Variants in UFSP2 observed in about 807,000 individuals in gnomAD.
The protein encoded by UFSP2 is UFM1 specific peptidase 2, also known as ufm1-specific protease 2.
In UFSP2, 43 loss-of-function variants were observed where a neutral mutation model predicts 60.2. The ratio of observed to expected loss-of-function variants is 0.71; its 90% confidence interval spans 0.56 to 0.92. UFSP2 has a LOEUF of 0.92. UFSP2 is among the 40% of genes least tolerant of loss of function. The probability of loss-of-function intolerance (pLI) is 0.00; values close to 1 mark genes in which losing one functional copy is unlikely to be tolerated. For synonymous variants in UFSP2, 183 were observed against 195.1 expected, an observed-to-expected ratio of 0.94 and a Z score of 0.52; for missense variants, 520 against 575.0, an observed-to-expected ratio of 0.90 and a Z score of 0.98.
At chr4:185,422,415 A>G in intron 2 of UFSP2, 70 bp downstream of exon 2, 1 of 1,160,838 alleles carries the variant, frequency 8.6e-7, no homozygotes. Flanking sequence ...TTTCATTTGC[A>G]AAGTGGAAAT....
rs2095511607 is a variant in UFSP2, at chr4:185,400,180, G to A, written c.*212C>T. On this transcript the variant is annotated 3_prime_UTR_variant, in exon 12 of 12. Coordinates refer to ENST00000264689, the MANE Select transcript of UFSP2 (RefSeq NM_018359.5). ...CATTTAAGAACACATGTATTTACAT[G>A]CCTATAATATGCTGGTTGTGTATGC... is the stretch of plus-strand genomic sequence containing the variant. The A allele has an allele frequency of 4.1e-6, 3 of 731,958 alleles. No homozygotes were observed. Among genetic ancestry groups the A allele is most frequent in the Admixed American group, 3.0e-5 (1 of 33,042 alleles). 45.3% of individuals were successfully genotyped at this position (731,958 alleles called of 1,614,324 possible). A position where few individuals can be genotyped will look rare whatever the true frequency, so the allele number is the denominator to read the frequency against.
chr4:185,418,990 T>G (rs2095544340), intron 2 of UFSP2, among the ~76,000 whole-genome samples: 1 of 152,178 alleles, frequency 6.6e-6, no homozygotes, highest in African/African-American at 2.4e-5. Flanking sequence ...TTTAGGGCTT[T>G]TAGTATATTC....
intron 11 of UFSP2, among the ~76,000 whole-genome samples, chr4:185,402,783 CTT>C: frequency 6.6e-6 from 1 of 152,270 alleles, no homozygotes; most frequent in East Asian, 1.9e-4. Flanking sequence ...GCTTAAAACT[CTT>C]TAACATATTA....
chr4:185,425,839 G>A lies in UFSP2; in HGVS notation c.3+27C>T, dbSNP rs764336162. On this transcript the variant is annotated intron_variant, in intron 1 of 11. Transcript: ENST00000264689. ...TGCCAAAGTCCGGGGAAAAACACAG[G>A]GGTCGGTGACGAGCAGAGATACTCA... 9 of 1,601,244 alleles carry A rather than the reference G, an allele frequency of 5.6e-6. No homozygotes were observed. The Admixed American group carries it at 1.0e-4, about 18-fold the overall frequency.
intron 1 of UFSP2, among the ~76,000 whole-genome samples, chr4:185,424,787 A>G (rs2153297715): frequency 6.6e-6 from 1 of 152,370 alleles, no homozygotes; most frequent in South Asian, 2.1e-4. Flanking sequence ...ATTTTACACA[A>G]TTTAACTTAT....
chr4:185,421,788 G>A (rs1047075120), intron 2 of UFSP2, among the ~76,000 whole-genome samples: 2 of 152,138 alleles, frequency 1.3e-5, no homozygotes, highest in Admixed American at 6.5e-5. Context: ...ACCACTACTC[G>A]TACTTTTCAT....
chr4:185,418,485 T>G lies in UFSP2; in HGVS notation c.289A>C (p.Lys97Gln), dbSNP rs1273617157. 6.2e-7 allele frequency: 1 copy of G among 1,612,150 alleles called. No individual in the cohort carries two copies. The highest frequency in any genetic ancestry group is 8.5e-7 in the Non-Finnish European group (1 of 1,178,844). ...TCCTTCTTTCTCATGAATTTTCTTTTTATATCTTCTTCTGGCTCAAATCTA... is the reference window on the plus strand; with the variant it reads ...TCCTTCTTTCTCATGAATTTTCTTTGTATATCTTCTTCTGGCTCAAATCTA... ...FIQFEPEEDIKRKFMRKKDKK... is the reference protein window; with the variant it reads ...FIQFEPEEDIQRKFMRKKDKK... Residue 97 changes from lysine (K) to glutamine (Q), a missense_variant, in exon 4 of 12, where the codon AAA (lysine) becomes CAA (glutamine). By Grantham distance (53) the Lys-to-Gln change is moderately conservative. Transcript: ENST00000264689.
chr4:185,410,202 C>T (rs995303991), intron 7 of UFSP2, among the ~76,000 whole-genome samples: 4 of 151,684 alleles, frequency 2.6e-5, no homozygotes, highest in Admixed American at 1.3e-4. Context: ...TGGACATTAA[C>T]AAACACTTCT....
chr4:185,401,431 C>T (rs560835869), intron 11 of UFSP2, among the ~76,000 whole-genome samples: 23 of 152,278 alleles, frequency 1.5e-4, no homozygotes, highest in African/African-American at 5.5e-4. Context: ...GATCCTTTTA[C>T]ACATGAAGGC....
chr4:185,422,383 G>A (rs2095551002), intron 2 of UFSP2, 102 bp downstream of exon 2: 1 of 859,832 alleles, frequency 1.2e-6, no homozygotes, highest in Non-Finnish European at 1.9e-6. Context: ...TATAATCTTA[G>A]TTCATCCTAT....
chr4:185,418,431 G>C lies in UFSP2; in HGVS notation c.333+10C>G. ...TTTTTATCAGTACAGAAGACAGATA[G>C]TTTGCTTACCATGTCTGATAACTTT... On this transcript the variant is annotated intron_variant, in intron 4 of 11. Coordinates refer to ENST00000264689, the MANE Select transcript of UFSP2 (RefSeq NM_018359.5). 2.5e-6 allele frequency: 4 copies of C among 1,592,362 alleles called. No homozygotes were observed. Among genetic ancestry groups the C allele is most frequent in the Non-Finnish European group, 3.4e-6 (4 of 1,162,268 alleles).
chr4:185,403,168 C>G (rs2095515243), intron 11 of UFSP2, among the ~76,000 whole-genome samples: 1 of 152,168 alleles, frequency 6.6e-6, no homozygotes, highest in Non-Finnish European at 1.5e-5. Context: ...ATATTCTGCT[C>G]ATCTATTTTA....
In UFSP2 at chr4:185,399,778, G is replaced by A. The variant is rs577782009; in HGVS notation, c.*614C>T. ...CAGTGGGAAAAGGAAGTGCTGGTAA[G>A]TAACTCAGAGCTGCTGCTTTTTTCC... On this transcript the variant is annotated 3_prime_UTR_variant, in exon 12 of 12. Coordinates refer to ENST00000264689, the MANE Select transcript of UFSP2 (RefSeq NM_018359.5). 9.9e-6 allele frequency: 16 copies of A among 1,613,916 alleles called. 1 individual carries two copies. The South Asian group carries it at 1.8e-4, about 18-fold the overall frequency.
chr4:185,414,024 G>T (rs1180085780), intron 6 of UFSP2, 152 bp from the exon 7 acceptor site: 1 of 634,502 alleles, frequency 1.6e-6, no homozygotes, highest in Non-Finnish European at 2.4e-6. Context: ...ATCAAAGATG[G>T]TGAAAACTGA....
intron 1 of UFSP2, 23 bp from the exon 2 acceptor site, chr4:185,422,586 C>A (rs561127246): frequency 6.6e-7 from 1 of 1,520,064 alleles, no homozygotes; most frequent in South Asian, 1.2e-5. Context: ...AAGATAAAGA[C>A]AAACTCCCTT....
In UFSP2 at chr4:185,400,032, T is replaced by C; in HGVS notation, c.*360A>G. The C allele has an allele frequency of 1.3e-6, 2 of 1,585,178 alleles. No individual in the cohort carries two copies. Among genetic ancestry groups the C allele is most frequent in the Non-Finnish European group, 1.7e-6 (2 of 1,161,556 alleles). On this transcript the variant is annotated 3_prime_UTR_variant, in exon 12 of 12. Transcript: ENST00000264689. ...TTAAAAACAGATGTCACGTGGGTTA[T>C]GAAGAAGTCTGAAGAACGCCTTCAT...
intron 4 of UFSP2, among the ~76,000 whole-genome samples, chr4:185,417,342 T>C (rs562109794): frequency 1.1e-4 from 16 of 152,350 alleles, no homozygotes; most frequent in Admixed American, 5.2e-4. Flanking sequence ...AATTATTTTA[T>C]GCATTCTACA....
At chr4:185,405,237 ATCC>A (rs1040377663) in intron 10 of UFSP2, among the ~76,000 whole-genome samples, 17 of 151,068 alleles carry the variant, frequency 1.1e-4, no homozygotes, top group Non-Finnish European at 1.6e-4. Flanking sequence ...GATGCAAGCT[ATCC>A]TCCTGCCTCA....
chr4:185,408,098 G>T, intron 8 of UFSP2, 38 bp from the exon 9 acceptor site: 1 of 1,602,626 alleles, frequency 6.2e-7, no homozygotes, highest in Non-Finnish European at 8.5e-7. Context: ...CCATACACAA[G>T]ACAGCTATTA....
Sources: allele counts gnomAD v4.1 joint callset (sites outside exome capture counted in the v4.1 genomes callset), GRCh38; gene constraint gnomAD v4.1.1; transcripts MANE v1.5; gene names NCBI Gene and HGNC (gene_info 2026-07-23, HGNC 2026-07-21).